Variants in KCNIP4 observed in about 807,000 individuals in gnomAD.
The protein encoded by KCNIP4 is potassium voltage-gated channel interacting protein 4.
In KCNIP4, 12 loss-of-function variants were observed where a neutral mutation model predicts 34.0. That is an observed-to-expected ratio of 0.35 (90% CI 0.23 to 0.57). KCNIP4 has a LOEUF of 0.57. Among genes scored for constraint, KCNIP4 ranks in the 20% least tolerant of loss-of-function variants. The probability of loss-of-function intolerance (pLI) is 0.83; values close to 1 mark genes in which losing one functional copy is unlikely to be tolerated. For missense variants in KCNIP4, 238 were observed against 311.7 expected (o/e 0.76, Z 1.78); for synonymous variants, 124 against 102.2 (o/e 1.21, Z -1.29).
Position 21,825,578 on chromosome 4 carries a change from A to G in KCNIP4, c.61+122993T>C, listed in dbSNP as rs191016751. On this transcript the variant is annotated intron_variant, in intron 1 of 8. Transcript: ENST00000382152. ...TTTCCACAAGATTGAAGGTAATGACATGAAGTATGTGAAGATGCTTTAAAA... is the reference window on the plus strand; with the variant it reads ...TTTCCACAAGATTGAAGGTAATGACGTGAAGTATGTGAAGATGCTTTAAAA... Among the ~76,000 whole-genome samples, 33 of 152,310 alleles carry G rather than the reference A, an allele frequency of 2.2e-4. No homozygotes were observed. The East Asian group carries it at 3.9e-3, about 18-fold the overall frequency.
chr4:21,565,260 C>T (rs913449980), intron 1 of KCNIP4, among the ~76,000 whole-genome samples: 6 of 152,098 alleles, frequency 3.9e-5, no homozygotes, highest in African/African-American at 9.7e-5. Context: ...TGCAGATGGC[C>T]GCTTTCTTAT....
intron 1 of KCNIP4, among the ~76,000 whole-genome samples, chr4:21,074,271 CT>C (rs1297907051): frequency 1.3e-5 from 2 of 152,004 alleles, no homozygotes; most frequent in Admixed American, 6.6e-5. Flanking sequence ...TAGTCCTGGA[CT>C]TTTTTTGGTT....
chr4:21,112,382 G>C (rs1250982880), intron 1 of KCNIP4, among the ~76,000 whole-genome samples: 1 of 152,172 alleles, frequency 6.6e-6, no homozygotes, highest in Non-Finnish European at 1.5e-5. Flanking sequence ...GAGCCCACTT[G>C]TCCACTGATC....
intron 1 of KCNIP4, among the ~76,000 whole-genome samples, chr4:20,945,790 C>T (rs1732132636): frequency 6.6e-6 from 1 of 152,180 alleles, no homozygotes; most frequent in South Asian, 2.1e-4. Context: ...AGAGTTCAGG[C>T]AGCCTGAGAT....
At chr4:20,781,227 A>G (rs1197188009) in intron 3 of KCNIP4, among the ~76,000 whole-genome samples, 1 of 152,232 alleles carries the variant, frequency 6.6e-6, no homozygotes, top group African/African-American at 2.4e-5. Flanking sequence ...TAATCTGCAA[A>G]CACATTAGAA....
intron 1 of KCNIP4, among the ~76,000 whole-genome samples, chr4:21,488,980 A>G (rs181262617): frequency 6.6e-6 from 1 of 152,262 alleles, no homozygotes; most frequent in Admixed American, 6.5e-5. Flanking sequence ...GGCTTATAAG[A>G]AAATAATTTA....
intron 1 of KCNIP4, among the ~76,000 whole-genome samples, chr4:21,353,657 C>T (rs1718255904): frequency 1.3e-5 from 2 of 152,016 alleles, no homozygotes; most frequent in South Asian, 4.2e-4. Flanking sequence ...GTGAAAAGAC[C>T]AAATCTACAT....
At chr4:21,618,573 TCTCTCTCA>T (rs1468981849) in intron 1 of KCNIP4, among the ~76,000 whole-genome samples, 8 of 151,006 alleles carry the variant, frequency 5.3e-5, no homozygotes, top group African/African-American at 7.3e-5. Context: ...TCTCTCTCTC[TCTCTCTCA>T]CTCTCTGTTT....
chr4:21,087,333 C>A (rs908722679), intron 1 of KCNIP4, among the ~76,000 whole-genome samples: 1 of 152,104 alleles, frequency 6.6e-6, no homozygotes, highest in African/African-American at 2.4e-5. Context: ...TGTGCCACCA[C>A]ACCTGGCTAA....
chr4:21,297,731 T>C (rs1763922927), intron 1 of KCNIP4, among the ~76,000 whole-genome samples: 1 of 152,022 alleles, frequency 6.6e-6, no homozygotes, highest in African/African-American at 2.4e-5. Context: ...ATATCTTCTC[T>C]TATTTTTCCC....
At chr4:21,659,338 A>C (rs938947275) in intron 1 of KCNIP4, among the ~76,000 whole-genome samples, 1 of 152,160 alleles carries the variant, frequency 6.6e-6, no homozygotes, top group Non-Finnish European at 1.5e-5. Flanking sequence ...CTTACTAAGA[A>C]TCTCTCATCT....
intron 1 of KCNIP4, among the ~76,000 whole-genome samples, chr4:21,170,080 G>A (rs1753909495): frequency 6.6e-6 from 1 of 152,072 alleles, no homozygotes; most frequent in South Asian, 2.1e-4. Context: ...AGATTAAAGT[G>A]CATTCAAGGA....
chr4:21,293,050 G>T (rs767776756), intron 1 of KCNIP4, among the ~76,000 whole-genome samples: 1 of 152,102 alleles, frequency 6.6e-6, no homozygotes, highest in Non-Finnish European at 1.5e-5. Flanking sequence ...GGTGATACTC[G>T]ACATCTGTAG....
At chr4:21,912,041 G>T (rs984178146) in intron 1 of KCNIP4, among the ~76,000 whole-genome samples, 1 of 151,910 alleles carries the variant, frequency 6.6e-6, no homozygotes, top group African/African-American at 2.4e-5. Context: ...TCAGGCAATT[G>T]CCTTGTGCTA....
At chr4:21,277,043 C>G (rs1268847512) in intron 1 of KCNIP4, among the ~76,000 whole-genome samples, 1 of 152,100 alleles carries the variant, frequency 6.6e-6, no homozygotes, top group African/African-American at 2.4e-5. Context: ...GGACTTCAGC[C>G]TTTTTATTGA....
intron 1 of KCNIP4, among the ~76,000 whole-genome samples, chr4:21,129,896 A>T (rs552597043): frequency 7.9e-5 from 12 of 152,054 alleles, no homozygotes; most frequent in Non-Finnish European, 1.5e-4. Flanking sequence ...TGTTAAAAAA[A>T]AAAACAGTGT....
At chr4:21,416,886 A>C (rs1425478455) in intron 1 of KCNIP4, among the ~76,000 whole-genome samples, 1 of 152,216 alleles carries the variant, frequency 6.6e-6, no homozygotes, top group Non-Finnish European at 1.5e-5. Context: ...CATGCTTCCT[A>C]GACAGTGATG....
chr4:21,653,760 C>T (rs1475436369), intron 1 of KCNIP4, among the ~76,000 whole-genome samples: 1 of 152,154 alleles, frequency 6.6e-6, no homozygotes, highest in Non-Finnish European at 1.5e-5. Flanking sequence ...ATTATAAGCA[C>T]AGTAAAGGAT....
intron 1 of KCNIP4, among the ~76,000 whole-genome samples, chr4:21,101,844 A>T (rs1197969345): frequency 6.6e-6 from 1 of 152,228 alleles, no homozygotes; most frequent in East Asian, 1.9e-4. Flanking sequence ...TACAGAGGGA[A>T]CAGGTCTTAA....
Sources: allele counts gnomAD v4.1 joint callset (sites outside exome capture counted in the v4.1 genomes callset), GRCh38; gene constraint gnomAD v4.1.1; transcripts MANE v1.5; gene names NCBI Gene and HGNC (gene_info 2026-07-23, HGNC 2026-07-21).